EDNRA: variants seen among roughly 807,000 people sequenced by gnomAD.
EDNRA encodes endothelin receptor type A.
EDNRA carries 11 observed loss-of-function variants against 41.4 expected under a neutral mutation model. That is an observed-to-expected ratio of 0.27 (90% CI 0.17 to 0.44). EDNRA has a LOEUF of 0.44. Among genes scored for constraint, EDNRA ranks in the 20% least tolerant of loss-of-function variants. The pLI is 1.00. For missense variants in EDNRA, 294 were observed against 531.0 expected (o/e 0.55, Z 4.39); for synonymous variants, 172 against 183.0 (o/e 0.94, Z 0.49).
chr4:147,532,456 A>G, intron 3 of EDNRA, 50 bp from the exon 4 acceptor site: 1 of 1,560,418 alleles, frequency 6.4e-7, no homozygotes, highest in Non-Finnish European at 8.8e-7. Flanking sequence ...GTTTAATTGA[A>G]ATACATTTAA....
At chr4:147,533,989 A>G (rs1206898536) in intron 4 of EDNRA, among the ~76,000 whole-genome samples, 1 of 151,938 alleles carries the variant, frequency 6.6e-6, no homozygotes, top group Non-Finnish European at 1.5e-5. Flanking sequence ...TTCTAAATTT[A>G]TTTCCCCTAT....
Position 147,541,068 on chromosome 4 carries a change from A to C in EDNRA, c.1143+583A>C, listed in dbSNP as rs1032248379. Among the ~76,000 whole-genome samples the C allele has an allele frequency of 3.1e-4, 18 of 58,192 alleles. No homozygotes were observed. The Middle Eastern group carries it at 0.023, about 76-fold the overall frequency. 38.2% of individuals were successfully genotyped at this position (58,192 alleles called of 152,430 possible). A position where few individuals can be genotyped will look rare whatever the true frequency, so the allele number is the denominator to read the frequency against. Reference sequence around the variant, plus strand: ...GGGCGACAGAGCCAGACTCAGTCTCAAAAAAAAAAAAAAAAAAAAAAAAAA... The same window carrying C: ...GGGCGACAGAGCCAGACTCAGTCTCCAAAAAAAAAAAAAAAAAAAAAAAAA... On this transcript the variant is annotated intron_variant, in intron 7 of 7. Transcript: ENST00000651419.
intron 4 of EDNRA, 24 bp from the exon 5 acceptor site, chr4:147,535,853 C>CTTT: frequency 8.0e-7 from 1 of 1,248,646 alleles, no homozygotes. Flanking sequence ...CTCCTTTTCT[C>CTTT]TTTTTTTTTT....
chr4:147,542,475 C>G lies in EDNRA; in HGVS notation c.1144-3C>G, dbSNP rs373752654. 5 of 1,614,126 alleles carry G rather than the reference C, an allele frequency of 3.1e-6. No homozygotes were observed. The highest frequency in any genetic ancestry group is 4.2e-6 in the Non-Finnish European group (5 of 1,179,996). On this transcript the variant is annotated splice_region_variant and splice_polypyrimidine_tract_variant and intron_variant, in intron 7 of 7. Transcript: ENST00000651419. ...CTTACTTCGAGTCTGTTCCTTCCCC[C>G]AGTCATGCCTCTGCTGCTGCTGTTA...
rs186605924 is a variant in EDNRA at position 147,519,777 on chromosome 4, T to A, written c.421-74T>A. 1.8e-5 allele frequency: 28 copies of A among 1,526,594 alleles called. No individual in the cohort carries two copies. Among genetic ancestry groups the A allele is most frequent in the Non-Finnish European group, 2.1e-5 (24 of 1,131,816 alleles). The allele number at this position is 1,526,594 out of a possible 1,614,324, so 94.6% of individuals were successfully genotyped here. ...AATAAAATTTAGAAGTTGGGACGCATAACTAAAACTGTAAGTGCCCACATG... is the reference window on the plus strand; with the variant it reads ...AATAAAATTTAGAAGTTGGGACGCAAAACTAAAACTGTAAGTGCCCACATG... On this transcript the variant is annotated intron_variant, in intron 2 of 7. Coordinates refer to ENST00000651419, the MANE Select transcript of EDNRA (RefSeq NM_001957.4). The surrounding 1 kb of genome is among the most constrained non-coding windows in gnomAD (Gnocchi z 4.1).
In EDNRA at chr4:147,542,561, C is replaced by T. The variant is rs1731142819; in HGVS notation, c.1227C>T (p.Asn409=). The T allele has an allele frequency of 6.2e-7, 1 of 1,614,004 alleles. No homozygotes were observed. Among genetic ancestry groups the T allele is most frequent in the Admixed American group, 1.7e-5 (1 of 60,008 alleles). The change falls in exon 8 of 8, where the codon AAC becomes AAT. Residue 409 remains asparagine, a synonymous_variant. Transcript: ENST00000651419. The part of the protein sequence containing the change: ...PMNGTSIQWK[N]HDQNNHNTDR... ...ACGGAACAAGCATCCAGTGGAAGAACCACGATCAAAACAACCACAACACAG... is the reference window on the plus strand; with the variant it reads ...ACGGAACAAGCATCCAGTGGAAGAATCACGATCAAAACAACCACAACACAG...
chr4:147,536,023 T>G lies in EDNRA; in HGVS notation c.894T>G (p.Leu298=). 3 of 1,613,980 alleles carry G rather than the reference T, an allele frequency of 1.9e-6. No homozygotes were observed. The highest frequency in any genetic ancestry group is 2.5e-6 in the Non-Finnish European group (3 of 1,179,866). The change falls in exon 5 of 8, where the codon CTT becomes CTG. Residue 298 remains leucine (L), a synonymous_variant. Coordinates refer to ENST00000651419, the MANE Select transcript of EDNRA (RefSeq NM_001957.4). ...TGAGAATTGCCCTCAGTGAACATCT[T>G]AAGCAGGTAAATCCCATAACATCAT... ...GSLRIALSEH[L]KQRREVAKTV...
chr4:147,539,990 A>G, intron 6 of EDNRA, 40 bp downstream of exon 6: 1 of 1,550,390 alleles, frequency 6.4e-7, no homozygotes, highest in South Asian at 1.3e-5. Flanking sequence ...GGAGTTTCTC[A>G]GATTTTCATA....
intron 2 of EDNRA, chr4:147,493,961 G>A (rs1439239710): frequency 3.9e-5 from 6 of 152,094 alleles, no homozygotes; most frequent in Admixed American, 6.5e-5. Flanking sequence ...TTTAGAGGTC[G>A]CTTCTCAGAA....
At chr4:147,521,716 A>G (rs1730326722) in intron 3 of EDNRA, among the ~76,000 whole-genome samples, 1 of 152,192 alleles carries the variant, frequency 6.6e-6, no homozygotes. Flanking sequence ...ATCAAGTTAC[A>G]TTTCTTTCAG....
intron 3 of EDNRA, among the ~76,000 whole-genome samples, chr4:147,529,692 G>A (rs1730677026): frequency 6.6e-6 from 1 of 152,168 alleles, no homozygotes; most frequent in Non-Finnish European, 1.5e-5. Flanking sequence ...AGAGAGAGAT[G>A]TATATACATA....
chr4:147,495,923 C>A (rs1462086878), intron 2 of EDNRA: 1 of 152,194 alleles, frequency 6.6e-6, no homozygotes. Flanking sequence ...AAAAAGATGC[C>A]AGCAATCCTC....
Position 147,481,551 on chromosome 4 carries a change from C to T in EDNRA, c.-71+175C>T, listed in dbSNP as rs1391320919. On this transcript the variant is annotated intron_variant, in intron 1 of 7. Coordinates refer to ENST00000651419, the MANE Select transcript of EDNRA (RefSeq NM_001957.4). The stretch of plus-strand genomic sequence containing the variant: ...GGGCTGGCACCCACTTGCCCCAGGG[C>T]GCGCGGGGAGGCGGGCGCCTTCCGT... 2.0e-5 allele frequency among the ~76,000 whole-genome samples: 3 copies of T among 152,334 alleles called. No homozygotes were observed. The East Asian group carries it at 5.8e-4, about 29-fold the overall frequency.
intron 2 of EDNRA, among the ~76,000 whole-genome samples, chr4:147,516,300 T>C (rs1169999379): frequency 1.3e-5 from 2 of 152,250 alleles, no homozygotes; most frequent in Non-Finnish European, 2.9e-5. Flanking sequence ...TGGCAGCCTC[T>C]CTTCAGCCTA....
chr4:147,512,820 T>A (rs1729972312), intron 2 of EDNRA, among the ~76,000 whole-genome samples: 1 of 152,184 alleles, frequency 6.6e-6, no homozygotes. Context: ...TATTTCTGCT[T>A]ATCTTCTGGT....
chr4:147,504,658 G>A (rs1411899021), intron 2 of EDNRA, among the ~76,000 whole-genome samples: 3 of 152,014 alleles, frequency 2.0e-5, no homozygotes, highest in Non-Finnish European at 4.4e-5. Context: ...CTGTTAAGAG[G>A]ATGAAAAGAC....
chr4:147,481,965 C>T (rs1728776251), intron 1 of EDNRA, among the ~76,000 whole-genome samples: 1 of 152,178 alleles, frequency 6.6e-6, no homozygotes, highest in Admixed American at 6.5e-5. Flanking sequence ...TTGCTTCTCA[C>T]GTGCAGAAAA....
intron 3 of EDNRA, among the ~76,000 whole-genome samples, chr4:147,524,390 CCT>C (rs1730457422): frequency 6.6e-6 from 1 of 152,002 alleles, no homozygotes; most frequent in Non-Finnish European, 1.5e-5. Context: ...AATACCACCT[CCT>C]CTCTTCATCT....
intron 3 of EDNRA, chr4:147,531,530 C>T (rs1221024392): frequency 1.3e-5 from 2 of 152,162 alleles, no homozygotes; most frequent in African/African-American, 2.4e-5. Flanking sequence ...ATTACTATAA[C>T]AAGTACCAGC....
Sources: gnomAD v4.1 joint callset for allele counts (sites outside exome capture counted in the v4.1 genomes callset) on GRCh38, gnomAD v4.1.1 for gene constraint, Gnocchi (gnomAD v3.1) non-coding constraint, MANE v1.5 for transcripts, NCBI Gene and HGNC (gene_info 2026-07-23, HGNC 2026-07-21) for gene names.